SEL1L2: variants seen among roughly 807,000 people sequenced by gnomAD.
SEL1L2 encodes the protein protein sel-1 homolog 2.
Under a neutral mutation model 98.8 loss-of-function variants are expected in SEL1L2, and 89 were observed. The ratio of observed to expected loss-of-function variants is 0.90; its 90% CI spans 0.76 to 1.07. SEL1L2 has a LOEUF of 1.07. Ranked by LOEUF, SEL1L2 falls within the 50% of genes least tolerant of loss-of-function variation. SEL1L2 has a pLI of 0.00. For missense variants in SEL1L2, 788 were observed against 812.0 expected (o/e 0.97, Z 0.36); for synonymous variants, 262 against 278.5 (o/e 0.94, Z 0.59).
chr20:13,870,922 CAAAAAA>C (rs534578783), intron 12 of SEL1L2, among the ~76,000 whole-genome samples: 3 of 53,180 alleles, frequency 5.6e-5, no homozygotes, highest in African/African-American at 1.3e-4. Flanking sequence ...AACTCCATCT[CAAAAAA>C]AAAAAAAAAA....
intron 2 of SEL1L2, among the ~76,000 whole-genome samples, chr20:13,941,916 A>T (rs1305191847): frequency 1.3e-5 from 2 of 152,202 alleles, no homozygotes; most frequent in East Asian, 1.9e-4. Flanking sequence ...CTCAACAATC[A>T]AAGACATTTC....
In SEL1L2 at chr20:13,854,955, G is replaced by A. The variant is rs184431566; in HGVS notation, c.1818+4307C>T. Among the ~76,000 whole-genome samples, 738 of 151,716 alleles carry A rather than the reference G, an allele frequency of 4.9e-3. 4 individuals are homozygous for A. Among genetic ancestry groups the A allele is most frequent in the Non-Finnish European group, 6.4e-3 (433 of 67,952 alleles). On this transcript the variant is annotated intron_variant, in intron 18 of 19. Transcript: ENST00000284951. The stretch of plus-strand genomic sequence containing the variant: ...AGTCCCAGCTCCTTGGGAGGCTGTG[G>A]CAGGAGAATTGCTTGAACCTGGGAG...
At chr20:13,950,788 T>C (rs1279933829) in intron 2 of SEL1L2, among the ~76,000 whole-genome samples, 1 of 152,154 alleles carries the variant, frequency 6.6e-6, no homozygotes, top group South Asian at 2.1e-4. Flanking sequence ...ACTTTCCCAA[T>C]GAGAATGTGG....
intron 2 of SEL1L2, among the ~76,000 whole-genome samples, chr20:13,947,472 A>G (rs557160341): frequency 6.6e-6 from 1 of 152,126 alleles, no homozygotes; most frequent in African/African-American, 2.4e-5. Flanking sequence ...TGAAAGCTGT[A>G]CTGTCGCTCA....
chr20:13,980,306 C>G (rs1422346761), intron 1 of SEL1L2, among the ~76,000 whole-genome samples: 1 of 152,202 alleles, frequency 6.6e-6, no homozygotes, highest in African/African-American at 2.4e-5. Flanking sequence ...ACCTCTGCCT[C>G]CTGGGTTCAA....
At chr20:13,963,120 T>G (rs1349895035) in intron 1 of SEL1L2, among the ~76,000 whole-genome samples, 1 of 151,440 alleles carries the variant, frequency 6.6e-6, no homozygotes, top group African/African-American at 2.4e-5. Flanking sequence ...AACTCTCTAT[T>G]ATAGTTCTTA....
chr20:13,962,302 T>A (rs991251585), intron 1 of SEL1L2, among the ~76,000 whole-genome samples: 1 of 152,224 alleles, frequency 6.6e-6, no homozygotes, highest in Non-Finnish European at 1.5e-5. Flanking sequence ...CCGTTTTGAC[T>A]TTCTTTGACC....
At chr20:13,858,535 A>T (rs976182543) in intron 18 of SEL1L2, among the ~76,000 whole-genome samples, 1 of 152,182 alleles carries the variant, frequency 6.6e-6, no homozygotes, top group South Asian at 2.1e-4. Flanking sequence ...TGGTTGTGTG[A>T]TGTAAATGAC....
chr20:13,879,537 G>C (rs773300544), intron 10 of SEL1L2, among the ~76,000 whole-genome samples: 22 of 151,954 alleles, frequency 1.4e-4, no homozygotes, highest in Non-Finnish European at 2.4e-4. Flanking sequence ...ATTTTTAGTA[G>C]AGATGGGGTT....
intron 5 of SEL1L2, among the ~76,000 whole-genome samples, chr20:13,895,584 T>G (rs747987824): frequency 4.0e-5 from 6 of 151,618 alleles, no homozygotes; most frequent in Non-Finnish European, 8.8e-5. Flanking sequence ...AAACAAGGAC[T>G]AGAAGGAAAT....
chr20:13,952,853 A>AC (rs756649131), intron 2 of SEL1L2, among the ~76,000 whole-genome samples: 8 of 152,170 alleles, frequency 5.3e-5, no homozygotes, highest in Non-Finnish European at 1.2e-4. Flanking sequence ...ACATAGTGAG[A>AC]CCCCATCTCT....
At chr20:13,882,088 A>G (rs1339125714) in intron 10 of SEL1L2, among the ~76,000 whole-genome samples, 3 of 152,190 alleles carry the variant, frequency 2.0e-5, no homozygotes, top group Non-Finnish European at 4.4e-5. Context: ...TATCCCATAA[A>G]TATGTACAAT....
At chr20:13,938,123 C>T (rs1022689419) in intron 2 of SEL1L2, among the ~76,000 whole-genome samples, 3 of 151,140 alleles carry the variant, frequency 2.0e-5, no homozygotes, top group African/African-American at 7.3e-5. Context: ...CTCTGTTGCC[C>T]AGGCTGGAGA....
chr20:13,926,135 G>A (rs1306497455), intron 3 of SEL1L2, among the ~76,000 whole-genome samples: 11 of 152,110 alleles, frequency 7.2e-5, no homozygotes, highest in Admixed American at 7.2e-4. Context: ...TGGCTAGTAC[G>A]GTGAAACCGT....
chr20:13,933,623 A>G (rs917639749), intron 2 of SEL1L2, among the ~76,000 whole-genome samples: 9 of 152,188 alleles, frequency 5.9e-5, no homozygotes, highest in African/African-American at 2.2e-4. Context: ...ATGGCCAAAT[A>G]AAATAATATG....
intron 1 of SEL1L2, among the ~76,000 whole-genome samples, chr20:13,968,898 T>A (rs1181046145): frequency 6.6e-6 from 1 of 152,240 alleles, no homozygotes; most frequent in Non-Finnish European, 1.5e-5. Context: ...GTTGTATTTC[T>A]TGCTTGCTCA....
At chr20:13,957,532 T>C (rs1286550254) in intron 1 of SEL1L2, among the ~76,000 whole-genome samples, 1 of 152,220 alleles carries the variant, frequency 6.6e-6, no homozygotes, top group African/African-American at 2.4e-5. Flanking sequence ...TGGTCCCAGA[T>C]TGATTCATAT....
chr20:13,977,797 C>G (rs1244435296), intron 1 of SEL1L2, among the ~76,000 whole-genome samples: 2 of 151,956 alleles, frequency 1.3e-5, no homozygotes, highest in Non-Finnish European at 2.9e-5. Context: ...TTGTTTGATA[C>G]AGAAACCTTT....
intron 18 of SEL1L2, among the ~76,000 whole-genome samples, chr20:13,857,893 A>G (rs1233228308): frequency 6.6e-6 from 1 of 152,178 alleles, no homozygotes; most frequent in African/African-American, 2.4e-5. Context: ...CAGGGCAGAT[A>G]TCTGTTTTAC....
Sources: allele counts gnomAD v4.1 joint callset (sites outside exome capture counted in the v4.1 genomes callset), GRCh38; gene constraint gnomAD v4.1.1; transcripts MANE v1.5; gene names NCBI Gene and HGNC (gene_info 2026-07-23, HGNC 2026-07-21).